The following ZKSCAN2 variants were observed in gnomAD, a reference collection of about 807,000 sequenced individuals.
The protein encoded by ZKSCAN2 is zinc finger protein with KRAB and SCAN domains 2.
Under a neutral mutation model 90.5 loss-of-function variants are expected in ZKSCAN2, and 38 were observed. The ratio of observed to expected loss-of-function variants is 0.42; its 90% CI spans 0.32 to 0.55. The LOEUF (loss-of-function observed/expected upper bound fraction) is 0.55. Among genes scored for constraint, ZKSCAN2 ranks in the 20% least tolerant of loss-of-function variants. ZKSCAN2 has a pLI of 0.11. For missense variants in ZKSCAN2, 1,167 were observed against 1,202.6 expected (o/e 0.97, Z 0.44); for synonymous variants, 429 against 421.6 (o/e 1.02, Z -0.22).
At position 25,256,096 on chromosome 16, in the gene ZKSCAN2, T is replaced by G. The variant is rs375500142; in HGVS notation, c.399+633A>C. On this transcript the variant is annotated intron_variant, in intron 1 of 6. Transcript: ENST00000328086. ...ACCAATACAGCAACCTGCTGATAGA[T>G]CTCTACACAATGCAAGTCTGATGCA... is the stretch of plus-strand genomic sequence containing the variant. Among the ~76,000 whole-genome samples, 101 of 152,166 alleles carry G rather than the reference T, an allele frequency of 6.6e-4. No homozygotes were observed. The East Asian group carries it at 0.014, about 21-fold the overall frequency.
intron 1 of ZKSCAN2, among the ~76,000 whole-genome samples, chr16:25,256,154 G>C (rs1963098668): frequency 6.6e-6 from 1 of 152,152 alleles, no homozygotes; most frequent in African/African-American, 2.4e-5. Flanking sequence ...AATGCTGCAG[G>C]ATTTCACGAG....
intron 2 of ZKSCAN2, 27 bp from the exon 3 acceptor site, chr16:25,253,064 T>C: frequency 7.0e-6 from 11 of 1,568,022 alleles, no homozygotes; most frequent in Non-Finnish European, 8.8e-6. Context: ...AAACGATTAG[T>C]AATCTGGGCT....
chr16:25,246,538 G>T (rs1962935585), intron 5 of ZKSCAN2, 169 bp downstream of exon 5: 1 of 668,654 alleles, frequency 1.5e-6, no homozygotes, highest in Admixed American at 2.7e-5. Flanking sequence ...GACTGCAATG[G>T]GGGCAGCAGC....
intron 2 of ZKSCAN2, among the ~76,000 whole-genome samples, chr16:25,254,175 T>C (rs1359901541): frequency 6.6e-6 from 1 of 152,204 alleles, no homozygotes; most frequent in Non-Finnish European, 1.5e-5. Context: ...CATGCGTCTT[T>C]TCATATTATT....
At chr16:25,253,544 CTGAATCTTGCCTCTCAG>C (rs1386765143) in intron 2 of ZKSCAN2, among the ~76,000 whole-genome samples, 1 of 151,928 alleles carries the variant, frequency 6.6e-6, no homozygotes, top group Non-Finnish European at 1.5e-5. Flanking sequence ...TATAGTAGTA[CTGAATCTTGCCTCTCAG>C]TGAAGGGCTG....
chr16:25,253,239 G>A (rs1429775301), intron 2 of ZKSCAN2, among the ~76,000 whole-genome samples: 1 of 152,156 alleles, frequency 6.6e-6, no homozygotes. Context: ...GGGTAAGCAA[G>A]TAAATACAGG....
Position 25,257,343 on chromosome 16 carries a change from T to G in ZKSCAN2, c.-216A>C, listed in dbSNP as rs1321459615. On this transcript the variant is annotated 5_prime_UTR_variant, in exon 1 of 7. Transcript: ENST00000328086. ...CTCTAAGATGCAAAAGCCTGGCCTCTTCTCCAAACAAGATGTGACCGCGCA... is the reference window on the plus strand; with the variant it reads ...CTCTAAGATGCAAAAGCCTGGCCTCGTCTCCAAACAAGATGTGACCGCGCA... 2.3e-6 allele frequency: 3 copies of G among 1,306,768 alleles called. No homozygotes were observed. The highest frequency in any genetic ancestry group is 2.9e-6 in the Non-Finnish European group (3 of 1,030,940). The allele number at this position is 1,306,768 out of a possible 1,614,324, so 80.9% of individuals were successfully genotyped here. A position where few individuals can be genotyped will look rare whatever the true frequency, so the allele number is the denominator to read the frequency against.
chr16:25,236,958 GGGCT>G lies in ZKSCAN2; in HGVS notation c.*2854_*2857del, dbSNP rs1392557950. The G allele has an allele frequency of 1.4e-4, 22 of 152,664 alleles. No individual in the cohort carries two copies. The highest frequency in any genetic ancestry group is 5.1e-4 in the African/African-American group (21 of 41,536). The allele number at this position is 152,664 out of a possible 1,614,324, so 9.5% of individuals were successfully genotyped here. On this transcript the variant is annotated 3_prime_UTR_variant, in exon 7 of 7. Coordinates refer to ENST00000328086, the MANE Select transcript of ZKSCAN2 (RefSeq NM_001012981.5). ...ATAGGTTGGGGTAGTTGGTTGAGGTGGGCTGTAAGTTTTGTTGAACTTTCCAGCA... is the reference window on the plus strand; with the variant it reads ...ATAGGTTGGGGTAGTTGGTTGAGGTGGTAAGTTTTGTTGAACTTTCCAGCA...
chr16:25,242,181 G>C (rs894382876), intron 6 of ZKSCAN2, among the ~76,000 whole-genome samples: 1 of 152,152 alleles, frequency 6.6e-6, no homozygotes, highest in African/African-American at 2.4e-5. Flanking sequence ...TACTTCTTTT[G>C]AAGTTTTCTG....
At chr16:25,255,771 T>C (rs1293731501) in intron 1 of ZKSCAN2, among the ~76,000 whole-genome samples, 27 of 152,066 alleles carry the variant, frequency 1.8e-4, no homozygotes. Context: ...TTAGTAGAGA[T>C]GGGGTTTCAT....
rs1331115120 is a variant in ZKSCAN2 at position 25,238,592 on chromosome 16, C to T, written c.*1224G>A. ...TTTATAAATGTTCCCACTTTTCACCCAGTGAGCTCTAGAGTTGTGTTAAGT... is the reference window on the plus strand; with the variant it reads ...TTTATAAATGTTCCCACTTTTCACCTAGTGAGCTCTAGAGTTGTGTTAAGT... On this transcript the variant is annotated 3_prime_UTR_variant, in exon 7 of 7. Coordinates refer to ENST00000328086, the MANE Select transcript of ZKSCAN2 (RefSeq NM_001012981.5). 1 of 152,142 alleles carries T rather than the reference C, an allele frequency of 6.6e-6. No homozygotes were observed. Among genetic ancestry groups the T allele is most frequent in the African/African-American group, 2.4e-5 (1 of 41,412 alleles). The allele number at this position is 152,142 out of a possible 1,614,324, so 9.4% of individuals were successfully genotyped here.
intron 3 of ZKSCAN2, 34 bp from the exon 4 acceptor site, chr16:25,252,069 T>C: frequency 1.2e-6 from 2 of 1,611,662 alleles, no homozygotes; most frequent in South Asian, 1.1e-5. Context: ...ACTACCAAGA[T>C]AACTGCACAG....
At position 25,239,693 on chromosome 16, in the gene ZKSCAN2, T is replaced by G; in HGVS notation, c.*123A>C. Reference sequence around the variant, plus strand: ...AGAGGTGAGAACAGGATGAAAGTGTTTAGTTTATTTATATTCTCAAGTTTA... The same window carrying G: ...AGAGGTGAGAACAGGATGAAAGTGTGTAGTTTATTTATATTCTCAAGTTTA... On this transcript the variant is annotated 3_prime_UTR_variant, in exon 7 of 7. Transcript: ENST00000328086. The G allele has an allele frequency of 1.2e-6, 1 of 820,166 alleles. No individual in the cohort carries two copies. The highest frequency in any genetic ancestry group is 1.9e-6 in the Non-Finnish European group (1 of 527,430). 50.8% of individuals were successfully genotyped at this position (820,166 alleles called of 1,614,324 possible). A position where few individuals can be genotyped will look rare whatever the true frequency, so the allele number is the denominator to read the frequency against.
In ZKSCAN2 at chr16:25,239,740, G is replaced by T; in HGVS notation, c.*76C>A. 1 of 1,283,296 alleles carries T rather than the reference G, an allele frequency of 7.8e-7. No individual in the cohort carries two copies. The highest frequency in any genetic ancestry group is 1.1e-6 in the Non-Finnish European group (1 of 924,176). The allele number at this position is 1,283,296 out of a possible 1,614,324, so 79.5% of individuals were successfully genotyped here. ...TTTATCTTGGAAATTACACTTCATA[G>T]CTAAGAAAAGATTGCTTCCAAGAAT... On this transcript the variant is annotated 3_prime_UTR_variant, in exon 7 of 7. Transcript: ENST00000328086.
At position 25,238,634 on chromosome 16, in the gene ZKSCAN2, G is replaced by A. The variant is rs1176436228; in HGVS notation, c.*1182C>T. 1.3e-5 allele frequency: 2 copies of A among 152,214 alleles called. No homozygotes were observed. Among genetic ancestry groups the A allele is most frequent in the South Asian group, 4.1e-4 (2 of 4,830 alleles). The allele number at this position is 152,214 out of a possible 1,614,324, so 9.4% of individuals were successfully genotyped here. On this transcript the variant is annotated 3_prime_UTR_variant, in exon 7 of 7. Transcript: ENST00000328086. ...GTGTTAAGTTACTTGGCACACTACAGTTAGGTTTCTGATGCGGTGAACAGG... is the reference window on the plus strand; with the variant it reads ...GTGTTAAGTTACTTGGCACACTACAATTAGGTTTCTGATGCGGTGAACAGG...
At position 25,257,223 on chromosome 16, in the gene ZKSCAN2, A is replaced by C; in HGVS notation, c.-96T>G. ...GCTTAATGTTCCTGGGAGTGTGATA[A>C]GGTACGGAGGTAAAAACGGCCAGGT... On this transcript the variant is annotated 5_prime_UTR_variant, in exon 1 of 7. Coordinates refer to ENST00000328086, the MANE Select transcript of ZKSCAN2 (RefSeq NM_001012981.5). 6.9e-7 allele frequency: 1 copy of C among 1,447,060 alleles called. No homozygotes were observed. 89.6% of individuals were successfully genotyped at this position (1,447,060 alleles called of 1,614,324 possible).
intron 5 of ZKSCAN2, 90 bp downstream of exon 5, chr16:25,246,617 C>T (rs748428080): frequency 1.5e-6 from 2 of 1,354,412 alleles, no homozygotes; most frequent in East Asian, 2.3e-5. Context: ...TGTGACAGCA[C>T]CCCCCGGGTT....
chr16:25,240,986 G>A (rs534848870), intron 6 of ZKSCAN2, among the ~76,000 whole-genome samples: 4 of 152,136 alleles, frequency 2.6e-5, no homozygotes, highest in East Asian at 3.9e-4. Context: ...TCCATATCCC[G>A]ATTAACAAGG....
At chr16:25,251,023 T>C (rs1438195931) in intron 4 of ZKSCAN2, among the ~76,000 whole-genome samples, 1 of 152,210 alleles carries the variant, frequency 6.6e-6, no homozygotes, top group African/African-American at 2.4e-5. Context: ...CCCAAAGTGC[T>C]GGGATTACAG....
Sources: gnomAD v4.1 joint callset for allele counts (sites outside exome capture counted in the v4.1 genomes callset) on GRCh38, gnomAD v4.1.1 for gene constraint, MANE v1.5 for transcripts, NCBI Gene and HGNC (gene_info 2026-07-23, HGNC 2026-07-21) for gene names.